Variants in WWC1 observed in about 807,000 individuals in gnomAD.
WWC1 encodes WW and C2 domain containing 1.
WWC1 carries 55 observed loss-of-function variants against 138.4 expected under a neutral mutation model. The observed-to-expected ratio is 0.40, with a 90% confidence interval of 0.32 to 0.50. The LOEUF is 0.50. Ranked by LOEUF, WWC1 falls within the 20% of genes least tolerant of loss-of-function variation. The probability of loss-of-function intolerance (pLI) is 0.72; values close to 1 mark genes in which losing one functional copy is unlikely to be tolerated. For missense variants in WWC1, 1,226 were observed against 1,420.4 expected (o/e 0.86, Z 2.20); for synonymous variants, 524 against 564.9 (o/e 0.93, Z 1.03).
chr5:168,369,895 ATTTTTTT>A (rs35999257), intron 1 of WWC1, among the ~76,000 whole-genome samples: 1 of 89,010 alleles, frequency 1.1e-5, no homozygotes, highest in Non-Finnish European at 2.1e-5. Context: ...TCATTGTGCA[ATTTTTTT>A]TTTTTTTTTT....
chr5:168,381,205 G>T (rs575673034), intron 2 of WWC1, among the ~76,000 whole-genome samples: 86 of 152,150 alleles, frequency 5.7e-4, no homozygotes, highest in South Asian at 5.6e-3. Context: ...AAAAATGGTC[G>T]CCAAGCCACC....
chr5:168,354,775 G>C (rs1775264765), intron 1 of WWC1, among the ~76,000 whole-genome samples: 1 of 152,138 alleles, frequency 6.6e-6, no homozygotes, highest in Admixed American at 6.5e-5. Context: ...CCAGTTTGCT[G>C]TGGGGTGTGT....
At chr5:168,334,469 A>T (rs1240071838) in intron 1 of WWC1, among the ~76,000 whole-genome samples, 1 of 151,674 alleles carries the variant, frequency 6.6e-6, no homozygotes, top group African/African-American at 2.4e-5. Context: ...ACTTACACCT[A>T]CTCATCCTTC....
At chr5:168,443,253 T>C (rs183424709) in intron 16 of WWC1, among the ~76,000 whole-genome samples, 28 of 152,254 alleles carry the variant, frequency 1.8e-4, no homozygotes, top group African/African-American at 6.5e-4. Flanking sequence ...GGGTAGCAAA[T>C]AGAGAAATTA....
At chr5:168,374,895 G>A (rs982229134) in intron 2 of WWC1, among the ~76,000 whole-genome samples, 8 of 152,156 alleles carry the variant, frequency 5.3e-5, no homozygotes, top group Non-Finnish European at 5.9e-5. Context: ...AGGATTTCCC[G>A]ATAGATTGCA....
chr5:168,402,633 T>C (rs1346248774), intron 5 of WWC1, among the ~76,000 whole-genome samples: 3 of 152,154 alleles, frequency 2.0e-5, no homozygotes, highest in Non-Finnish European at 2.9e-5. Flanking sequence ...ACCCCCCTTT[T>C]AAGAGACGTT....
In WWC1 at chr5:168,292,273, T is replaced by C. The variant is rs776322556; in HGVS notation, c.119+2T>C. On this transcript the variant is annotated splice_donor_variant, in intron 1 of 22. Coordinates refer to ENST00000265293, the MANE Select transcript of WWC1 (RefSeq NM_015238.3). LOFTEE classifies it high-confidence loss of function. The surrounding 1 kb of genome is among the most constrained non-coding windows in gnomAD (Gnocchi z 4.4). Reference sequence around the variant, plus strand: ...CAGCTGGATCGACCCGCGGGACAGGTAGGACCCTGGAACCCTCCTCCGTGC... The same window carrying C: ...CAGCTGGATCGACCCGCGGGACAGGCAGGACCCTGGAACCCTCCTCCGTGC... The C allele has an allele frequency of 2.5e-6, 4 of 1,593,812 alleles. No individual in the cohort carries two copies. Among genetic ancestry groups the C allele is most frequent in the Non-Finnish European group, 3.4e-6 (4 of 1,171,232 alleles).
intron 1 of WWC1, among the ~76,000 whole-genome samples, chr5:168,327,257 C>G (rs1047531167): frequency 2.6e-5 from 4 of 152,218 alleles, no homozygotes; most frequent in African/African-American, 4.8e-5. Flanking sequence ...TCTTCTCCCC[C>G]TCTCCTTTCC....
intron 1 of WWC1, among the ~76,000 whole-genome samples, chr5:168,314,114 T>C (rs1022175698): frequency 6.6e-6 from 1 of 152,178 alleles, no homozygotes; most frequent in African/African-American, 2.4e-5. Flanking sequence ...GTGGTGCCTG[T>C]TGGCTCTAAT....
At chr5:168,380,438 T>C (rs1476403879) in intron 2 of WWC1, among the ~76,000 whole-genome samples, 3 of 151,548 alleles carry the variant, frequency 2.0e-5, no homozygotes, top group Non-Finnish European at 4.4e-5. Flanking sequence ...GAGACCCCCA[T>C]CTCAAAAAAA....
At chr5:168,303,638 C>G (rs142307492) in intron 1 of WWC1, among the ~76,000 whole-genome samples, 6 of 152,176 alleles carry the variant, frequency 3.9e-5, no homozygotes, top group Non-Finnish European at 8.8e-5. Context: ...GGGGAAGCAG[C>G]CAATCTAAGG....
At chr5:168,393,136 G>C (rs1479125258) in intron 3 of WWC1, among the ~76,000 whole-genome samples, 2 of 152,076 alleles carry the variant, frequency 1.3e-5, no homozygotes, top group Non-Finnish European at 2.9e-5. Context: ...AGACTACAAG[G>C]ACAGGAAATC....
intron 15 of WWC1, among the ~76,000 whole-genome samples, chr5:168,439,747 T>C (rs1754586494): frequency 6.6e-6 from 1 of 152,196 alleles, no homozygotes; most frequent in Non-Finnish European, 1.5e-5. Context: ...GATAGACAGC[T>C]ACAAGGAGAA....
intron 10 of WWC1, among the ~76,000 whole-genome samples, chr5:168,423,148 C>CG (rs373732656): frequency 2.8e-5 from 3 of 106,918 alleles, no homozygotes; most frequent in South Asian, 2.9e-4. Flanking sequence ...CCATCCCCCC[C>CG]CAAAAAAAAA....
intron 3 of WWC1, among the ~76,000 whole-genome samples, chr5:168,394,614 T>C (rs1351108211): frequency 6.6e-6 from 1 of 152,130 alleles, no homozygotes; most frequent in Non-Finnish European, 1.5e-5. Flanking sequence ...TAATCCCAGC[T>C]ACTCGGGAGG....
Position 168,403,006 on chromosome 5 carries a change from T to TTTCTTTCTTTCTTTCTTTC in WWC1, c.591-3190_591-3189insCTTTCTTTCTTTCTTTCTT, listed in dbSNP as rs1779430807. 1.6e-3 allele frequency among the ~76,000 whole-genome samples: 165 copies of TTTCTTTCTTTCTTTCTTTC among 105,694 alleles called. 3 individuals carry two copies. The highest frequency in any genetic ancestry group is 8.5e-3 in the East Asian group (33 of 3,872). 69.3% of individuals were successfully genotyped at this position (105,694 alleles called of 152,430 possible). On this transcript the variant is annotated intron_variant, in intron 5 of 22. Transcript: ENST00000265293. ...AGCAGCCAAAAGCTCTGTTGTTTCT[T>TTTCTTTCTTTCTTTCTTTC]TTTCTTTCTTTCTTTCTTTCTTTCT...
chr5:168,399,784 A>G (rs1779178485), intron 5 of WWC1, among the ~76,000 whole-genome samples: 1 of 152,196 alleles, frequency 6.6e-6, no homozygotes, highest in South Asian at 2.1e-4. Context: ...TTCAGACCAC[A>G]GAACACTCAT....
chr5:168,429,380 TC>T (rs1326559238), intron 13 of WWC1, among the ~76,000 whole-genome samples: 3 of 150,174 alleles, frequency 2.0e-5, no homozygotes, highest in African/African-American at 7.3e-5. Flanking sequence ...TGCCTCAGCC[TC>T]CCAAGTAGCT....
chr5:168,388,897 G>T (rs1778245618), intron 3 of WWC1, among the ~76,000 whole-genome samples: 1 of 151,958 alleles, frequency 6.6e-6, no homozygotes, highest in Admixed American at 6.6e-5. Context: ...TTTGAATATG[G>T]TCCAGATTTT....
Sources: allele counts gnomAD v4.1 joint callset (sites outside exome capture counted in the v4.1 genomes callset), GRCh38; gene constraint gnomAD v4.1.1; non-coding constraint Gnocchi (gnomAD v3.1); transcripts MANE v1.5; gene names NCBI Gene and HGNC (gene_info 2026-07-23, HGNC 2026-07-21).